The following MANEA variants were observed in gnomAD, a reference collection of about 807,000 sequenced individuals.
MANEA encodes the protein glycoprotein endo-alpha-1,2-mannosidase.
MANEA carries 25 observed loss-of-function variants against 36.8 expected under a neutral mutation model. The observed-to-expected ratio is 0.68, with a 90% confidence interval of 0.50 to 0.95. The LOEUF is 0.95. MANEA is among the 40% of genes least tolerant of loss of function. The probability of loss-of-function intolerance (pLI) is 0.00; values close to 1 mark genes in which losing one functional copy is unlikely to be tolerated. For synonymous variants in MANEA, 198 were observed against 188.5 expected (o/e 1.05, Z -0.41); for missense variants, 565 against 558.8 (o/e 1.01, Z -0.11).
chr6:95,584,808 T>C (rs554406076), intron 1 of MANEA, among the ~76,000 whole-genome samples: 10 of 152,268 alleles, frequency 6.6e-5, no homozygotes, highest in African/African-American at 2.2e-4. Flanking sequence ...AACTGTAAAA[T>C]TCCTCTCTTT....
Position 95,606,933 on chromosome 6 carries a change from A to C in MANEA, c.*528A>C, listed in dbSNP as rs1769727115. On this transcript the variant is annotated 3_prime_UTR_variant, in exon 5 of 5. Transcript: ENST00000358812. ...CAATAATGAGGAAATTCTTAAGAAT[A>C]ACAAAATCACTGTACCTTCCTCTCA... 1 of 152,182 alleles carries C rather than the reference A, an allele frequency of 6.6e-6. No individual in the cohort carries two copies. The highest frequency in any genetic ancestry group is 2.4e-5 in the African/African-American group (1 of 41,448). 9.4% of individuals were successfully genotyped at this position (152,182 alleles called of 1,614,324 possible). A position where few individuals can be genotyped will look rare whatever the true frequency, so the allele number is the denominator to read the frequency against.
At chr6:95,597,118 A>T (rs2127943114) in intron 3 of MANEA, among the ~76,000 whole-genome samples, 1 of 152,146 alleles carries the variant, frequency 6.6e-6, no homozygotes, top group South Asian at 2.1e-4. Flanking sequence ...AGTAGTGAAG[A>T]TTTATATGTC....
intron 2 of MANEA, among the ~76,000 whole-genome samples, chr6:95,595,113 A>G (rs539964588): frequency 1.3e-5 from 2 of 152,186 alleles, no homozygotes; most frequent in Admixed American, 1.3e-4. Flanking sequence ...TTTTCATGTG[A>G]TTCATAGCAT....
chr6:95,589,590 T>C (rs1769347017), intron 2 of MANEA, among the ~76,000 whole-genome samples: 1 of 152,162 alleles, frequency 6.6e-6, no homozygotes, highest in African/African-American at 2.4e-5. Flanking sequence ...TATATTACAA[T>C]GGCATATGGT....
intron 1 of MANEA, among the ~76,000 whole-genome samples, chr6:95,577,957 C>T (rs1582215606): frequency 6.6e-6 from 1 of 152,230 alleles, no homozygotes; most frequent in East Asian, 1.9e-4. Context: ...CCTCCTGTCG[C>T]CTCGGATTTT....
intron 2 of MANEA, chr6:95,589,966 C>A (rs9374594): frequency 1.4e-4 from 21 of 151,802 alleles, no homozygotes; most frequent in African/African-American, 5.1e-4. Context: ...GAGGGATGCA[C>A]GAGAGACTCG....
rs754937071 is a variant in MANEA, at chr6:95,606,146, T to G, written c.1130T>G (p.Ile377Ser). The G allele has an allele frequency of 5.0e-6, 8 of 1,613,886 alleles. No homozygotes were observed. In the African/African-American group the frequency reaches 9.4e-5, roughly 19 times the overall value. ...AACACGCAAAACACTCGGAACCGAATCAATGGGAAGTATTATGAAATTGGT... is the reference window on the plus strand; with the variant it reads ...AACACGCAAAACACTCGGAACCGAAGCAATGGGAAGTATTATGAAATTGGT... The part of the protein sequence containing the change: ...PWNTQNTRNR[I>S]NGKYYEIGLS... The change falls in exon 5 of 5, where the codon ATC becomes AGC. Residue 377 changes from isoleucine to serine, a missense_variant. Physicochemically the swap from Ile to Ser is moderately radical, Grantham distance 142 (BLOSUM62 -2). Coordinates refer to ENST00000358812, the MANE Select transcript of MANEA (RefSeq NM_024641.4).
At chr6:95,581,372 G>A (rs1562194591) in intron 1 of MANEA, among the ~76,000 whole-genome samples, 3 of 152,002 alleles carry the variant, frequency 2.0e-5, no homozygotes, top group Admixed American at 1.3e-4. Context: ...CAGAGGATCA[G>A]CTTAAGAAAT....
intron 3 of MANEA, among the ~76,000 whole-genome samples, chr6:95,597,994 A>G (rs957080028): frequency 6.6e-6 from 1 of 152,172 alleles, no homozygotes; most frequent in Non-Finnish European, 1.5e-5. Context: ...AAGATTTTAT[A>G]TCAGTCTATT....
chr6:95,597,539 C>G (rs1043987949), intron 3 of MANEA, among the ~76,000 whole-genome samples: 2 of 151,962 alleles, frequency 1.3e-5, no homozygotes, highest in African/African-American at 4.8e-5. Flanking sequence ...TATTAGGTAG[C>G]AACATTAATT....
chr6:95,583,679 G>A (rs1296295389), intron 1 of MANEA, among the ~76,000 whole-genome samples: 1 of 152,144 alleles, frequency 6.6e-6, no homozygotes, highest in Non-Finnish European at 1.5e-5. Context: ...CCTTAGGCAG[G>A]GAGAAGGGCA....
At chr6:95,598,043 T>C (rs2127943380) in intron 3 of MANEA, among the ~76,000 whole-genome samples, 1 of 107,680 alleles carries the variant, frequency 9.3e-6, no homozygotes, top group East Asian at 5.5e-4. Flanking sequence ...AATACTAAAA[T>C]TAATTTTTTT....
At chr6:95,599,778 G>A (rs1769554384) in intron 3 of MANEA, among the ~76,000 whole-genome samples, 1 of 152,128 alleles carries the variant, frequency 6.6e-6, no homozygotes, top group African/African-American at 2.4e-5. Flanking sequence ...TCTTCTTTCT[G>A]ATTTACTATC....
In MANEA at chr6:95,586,947, G is replaced by C; in HGVS notation, c.508G>C (p.Glu170Gln). The change falls in exon 2 of 5, where the codon GAA becomes CAA. Residue 170 changes from glutamate to glutamine, a missense_variant. Transcript: ENST00000358812. ...CAGTTCTCGGGATCCTTCTGTCATA[G>C]AAACTCACATGAGACAAATGCGCTC... ...SYSSRDPSVI[E>Q]THMRQMRSAS... 1 of 1,611,952 alleles carries C rather than the reference G, an allele frequency of 6.2e-7. No individual in the cohort carries two copies. Among genetic ancestry groups the C allele is most frequent in the Non-Finnish European group, 8.5e-7 (1 of 1,178,732 alleles).
rs558428191 is a variant in MANEA, at chr6:95,608,931, G to A, written c.*2526G>A. ...TCTGTACATCTTCAGAGTTTCAGTC[G>A]GCAATTTCTTGGCCATGGATGTAGA... On this transcript the variant is annotated 3_prime_UTR_variant, in exon 5 of 5. Coordinates refer to ENST00000358812, the MANE Select transcript of MANEA (RefSeq NM_024641.4). 4 of 151,774 alleles carry A rather than the reference G, an allele frequency of 2.6e-5. No homozygotes were observed. The highest frequency in any genetic ancestry group is 1.9e-4 in the East Asian group (1 of 5,176). 9.4% of individuals were successfully genotyped at this position (151,774 alleles called of 1,614,324 possible). A position where few individuals can be genotyped will look rare whatever the true frequency, so the allele number is the denominator to read the frequency against.
chr6:95,600,117 G>A (rs1769560818), intron 3 of MANEA, among the ~76,000 whole-genome samples: 1 of 152,130 alleles, frequency 6.6e-6, no homozygotes, highest in African/African-American at 2.4e-5. Context: ...TTTTTCTCCT[G>A]TTTAAAGTGT....
At chr6:95,595,181 A>G (rs1769461260) in intron 2 of MANEA, among the ~76,000 whole-genome samples, 1 of 152,132 alleles carries the variant, frequency 6.6e-6, no homozygotes, top group Admixed American at 6.6e-5. Flanking sequence ...TCTGCATAAA[A>G]TAATTTTTTC....
chr6:95,580,311 C>T (rs1769155141), intron 1 of MANEA, among the ~76,000 whole-genome samples: 1 of 151,742 alleles, frequency 6.6e-6, no homozygotes, highest in South Asian at 2.1e-4. Context: ...TTAATGAACA[C>T]TATGTGAAAG....
At chr6:95,594,186 A>G (rs968137523) in intron 2 of MANEA, among the ~76,000 whole-genome samples, 6 of 152,166 alleles carry the variant, frequency 3.9e-5, no homozygotes, top group Non-Finnish European at 5.9e-5. Context: ...AAAGGAACGA[A>G]TATTTCTTGA....
Sources: gnomAD v4.1 joint callset for allele counts (sites outside exome capture counted in the v4.1 genomes callset) on GRCh38, gnomAD v4.1.1 for gene constraint, MANE v1.5 for transcripts, NCBI Gene and HGNC (gene_info 2026-07-23, HGNC 2026-07-21) for gene names.